Variants in GLRA3 observed in about 807,000 individuals in gnomAD.
GLRA3 encodes the protein glycine receptor subunit alpha-3.
GLRA3 carries 44 observed loss-of-function variants against 60.4 expected under a neutral mutation model. The ratio of observed to expected loss-of-function variants is 0.73; its 90% confidence interval spans 0.57 to 0.94. The LOEUF (loss-of-function observed/expected upper bound fraction) is 0.94. GLRA3 is among the 40% of genes least tolerant of loss of function. The probability of loss-of-function intolerance (pLI) is 0.00; values close to 1 mark genes in which losing one functional copy is unlikely to be tolerated. For synonymous variants in GLRA3, 223 were observed against 192.9 expected, an observed-to-expected ratio of 1.16 and a Z score of -1.29; for missense variants, 508 against 564.6, an observed-to-expected ratio of 0.90 and a Z score of 1.02.
intron 4 of GLRA3, among the ~76,000 whole-genome samples, chr4:174,718,587 T>C (rs935658213): frequency 6.6e-6 from 1 of 152,212 alleles, no homozygotes; most frequent in Non-Finnish European, 1.5e-5. Flanking sequence ...AATTAAAAAA[T>C]GTTTGCTGAC....
chr4:174,802,779 T>C (rs1739870110), intron 1 of GLRA3, among the ~76,000 whole-genome samples: 7 of 152,110 alleles, frequency 4.6e-5, no homozygotes. Context: ...ACTTGAGTCA[T>C]CAAAATCATA....
At chr4:174,789,553 A>G (rs1420678247) in intron 1 of GLRA3, among the ~76,000 whole-genome samples, 2 of 152,204 alleles carry the variant, frequency 1.3e-5, no homozygotes, top group African/African-American at 4.8e-5. Flanking sequence ...AGAAATTGCC[A>G]TAAATGTACC....
intron 3 of GLRA3, among the ~76,000 whole-genome samples, chr4:174,766,272 C>CA (rs1236761204): frequency 1.7e-4 from 25 of 151,156 alleles, no homozygotes; most frequent in Admixed American, 1.5e-3. Context: ...TATACAGTTT[C>CA]AAAAAAAATA....
intron 5 of GLRA3, among the ~76,000 whole-genome samples, chr4:174,687,491 T>G (rs1734590732): frequency 1.3e-5 from 2 of 152,178 alleles, no homozygotes. Flanking sequence ...AATACTATTT[T>G]TTATGTGAAA....
chr4:174,802,279 T>G (rs180751602), intron 1 of GLRA3, among the ~76,000 whole-genome samples: 1 of 152,172 alleles, frequency 6.6e-6, no homozygotes, highest in African/African-American at 2.4e-5. Flanking sequence ...AGCATAGAAA[T>G]TGCTCCTCCT....
intron 2 of GLRA3, among the ~76,000 whole-genome samples, chr4:174,777,196 A>C (rs527382178): frequency 6.6e-6 from 1 of 152,354 alleles, no homozygotes; most frequent in Non-Finnish European, 1.5e-5. Flanking sequence ...AGGAGCAGAA[A>C]TCAAAATGAG....
intron 5 of GLRA3, among the ~76,000 whole-genome samples, chr4:174,697,678 C>T (rs933523031): frequency 2.0e-5 from 3 of 152,178 alleles, no homozygotes; most frequent in Admixed American, 2.0e-4. Flanking sequence ...ATATCACAGA[C>T]TTAAAGTTTC....
intron 3 of GLRA3, among the ~76,000 whole-genome samples, chr4:174,751,566 A>G (rs919536063): frequency 1.3e-5 from 2 of 152,122 alleles, no homozygotes; most frequent in Non-Finnish European, 2.9e-5. Flanking sequence ...TATAAGTATT[A>G]CTAATTTTGC....
intron 3 of GLRA3, among the ~76,000 whole-genome samples, chr4:174,734,608 A>AT (rs1376245648): frequency 2.0e-5 from 3 of 152,198 alleles, no homozygotes; most frequent in Non-Finnish European, 2.9e-5. Context: ...AAATTCCAAA[A>AT]TTTTTTTAAA....
intron 5 of GLRA3, among the ~76,000 whole-genome samples, chr4:174,698,217 G>T (rs1229507384): frequency 6.6e-6 from 1 of 151,654 alleles, no homozygotes; most frequent in Non-Finnish European, 1.5e-5. Context: ...TTAGAGATAG[G>T]GTCTCACTCT....
At chr4:174,663,133 T>C (rs1733519909) in intron 7 of GLRA3, among the ~76,000 whole-genome samples, 2 of 152,154 alleles carry the variant, frequency 1.3e-5, no homozygotes, top group Admixed American at 1.3e-4. Context: ...ATATGAAGTA[T>C]TTCAACAGGG....
rs568373129 is a variant in GLRA3, at chr4:174,644,034, A to C, written c.1147T>G (p.Phe383Val). The change falls in exon 10 of 10, where the codon TTC (phenylalanine) becomes GTC (valine). Residue 383 changes from phenylalanine (F) to valine (V), a missense_variant. By Grantham distance (50) the Phe-to-Val change is conservative (BLOSUM62 -1). Transcript: ENST00000274093. Reference sequence around the variant, plus strand: ...CATGGTCCCATTCCATAGGCTGTGAAGCTGAATCGGCTTTCCCTTACCTCA... The same window carrying C: ...CATGGTCCCATTCCATAGGCTGTGACGCTGAATCGGCTTTCCCTTACCTCA... ...DDEVRESRFS[F>V]TAYGMGPCLQ... is the part of the protein sequence containing the mutation. The C allele has an allele frequency of 5.0e-6, 8 of 1,613,626 alleles. No individual in the cohort carries two copies. In the African/African-American group the frequency reaches 9.3e-5, roughly 19 times the overall value.
At chr4:174,732,190 A>G (rs1736574758) in intron 3 of GLRA3, among the ~76,000 whole-genome samples, 1 of 152,068 alleles carries the variant, frequency 6.6e-6, no homozygotes, top group Non-Finnish European at 1.5e-5. Flanking sequence ...CCCCATCTCT[A>G]CTAAAAACAC....
chr4:174,646,309 C>T (rs953161383), intron 9 of GLRA3, among the ~76,000 whole-genome samples: 2 of 152,144 alleles, frequency 1.3e-5, no homozygotes, highest in Non-Finnish European at 2.9e-5. Flanking sequence ...TTAAAATTAA[C>T]ATATTAGTGA....
At position 174,639,569 on chromosome 4, in the gene GLRA3, C is replaced by T. The variant is rs1051569770; in HGVS notation, c.*4217G>A. ...GCTTCCCCAGGATATTTTTCCCTGC[C>T]CTAGTTCCGTTTAAATTGTAGAGAG... On this transcript the variant is annotated 3_prime_UTR_variant, in exon 10 of 10. Transcript: ENST00000274093. The T allele has an allele frequency of 4.7e-4, 71 of 152,122 alleles. 1 individual carries two copies. Among genetic ancestry groups the T allele is most frequent in the African/African-American group, 1.7e-3 (69 of 41,516 alleles). The allele number at this position is 152,122 out of a possible 1,614,324, so 9.4% of individuals were successfully genotyped here.
At chr4:174,647,658 T>C (rs1732877363) in intron 9 of GLRA3, among the ~76,000 whole-genome samples, 1 of 152,172 alleles carries the variant, frequency 6.6e-6, no homozygotes, top group South Asian at 2.1e-4. Flanking sequence ...ATGTGTGTGA[T>C]TTTAATTTTT....
chr4:174,732,759 T>TTCTC (rs5864288), intron 3 of GLRA3, among the ~76,000 whole-genome samples: 173 of 147,988 alleles, frequency 1.2e-3, no homozygotes, highest in African/African-American at 4.0e-3. Flanking sequence ...ACCAAGCAAT[T>TTCTC]TCTCTCTCTC....
At chr4:174,689,080 T>C (rs1189245090) in intron 5 of GLRA3, among the ~76,000 whole-genome samples, 1 of 152,204 alleles carries the variant, frequency 6.6e-6, no homozygotes, top group African/African-American at 2.4e-5. Context: ...CTAACTGGTT[T>C]ATTTAAAGTA....
chr4:174,650,164 A>T (rs1732975515), intron 9 of GLRA3, among the ~76,000 whole-genome samples: 1 of 152,194 alleles, frequency 6.6e-6, no homozygotes, highest in African/African-American at 2.4e-5. Flanking sequence ...AGTCACAAAC[A>T]TTAAGGGACA....
Sources: gnomAD v4.1 joint callset for allele counts (sites outside exome capture counted in the v4.1 genomes callset) on GRCh38, gnomAD v4.1.1 for gene constraint, MANE v1.5 for transcripts, NCBI Gene and HGNC (gene_info 2026-07-23, HGNC 2026-07-21) for gene names.